Variants in KHDRBS2 observed in about 807,000 individuals in gnomAD.
KHDRBS2 encodes the protein KH RNA binding domain containing, signal transduction associated 2, also known as KH domain-containing, RNA-binding, signal transduction-associated protein 2.
Under a neutral mutation model 44.3 loss-of-function variants are expected in KHDRBS2, and 26 were observed. The observed-to-expected ratio is 0.59, with a 90% CI of 0.43 to 0.81. The LOEUF (loss-of-function observed/expected upper bound fraction) is 0.81. Among genes scored for constraint, KHDRBS2 ranks in the 40% least tolerant of loss-of-function variants. KHDRBS2 has a pLI of 0.00. For missense variants in KHDRBS2, 476 were observed against 433.1 expected, an observed-to-expected ratio of 1.10 and a Z score of -0.88; for synonymous variants, 194 against 151.1, an observed-to-expected ratio of 1.28 and a Z score of -2.08.
At chr6:61,796,855 A>G (rs961751212) in intron 6 of KHDRBS2, among the ~76,000 whole-genome samples, 37 of 152,144 alleles carry the variant, frequency 2.4e-4, no homozygotes, top group African/African-American at 8.9e-4. Context: ...TTGAAAATAT[A>G]TCATGTAGTA....
chr6:62,170,719 G>A (rs1819815648), intron 2 of KHDRBS2, among the ~76,000 whole-genome samples: 1 of 152,018 alleles, frequency 6.6e-6, no homozygotes, highest in Non-Finnish European at 1.5e-5. Context: ...TCAAACAGTT[G>A]TGGCCACAAA....
intron 4 of KHDRBS2, among the ~76,000 whole-genome samples, chr6:61,964,490 A>G (rs1219177156): frequency 6.6e-6 from 1 of 152,074 alleles, no homozygotes; most frequent in Non-Finnish European, 1.5e-5. Flanking sequence ...ATGTCTCCCC[A>G]GCATATTAGA....
intron 8 of KHDRBS2, among the ~76,000 whole-genome samples, chr6:61,687,634 T>C (rs1212951446): frequency 5.3e-5 from 8 of 151,848 alleles, no homozygotes; most frequent in Non-Finnish European, 7.4e-5. Flanking sequence ...TTTTTTAACT[T>C]TTCTGTATTT....
chr6:62,093,224 T>TAA (rs201255751), intron 2 of KHDRBS2, among the ~76,000 whole-genome samples: 34 of 134,522 alleles, frequency 2.5e-4, no homozygotes, highest in African/African-American at 8.4e-4. Flanking sequence ...TTAGATAAAG[T>TAA]AAAAAAAAAA....
At chr6:62,200,375 A>C (rs1037177418) in intron 1 of KHDRBS2, among the ~76,000 whole-genome samples, 2 of 152,208 alleles carry the variant, frequency 1.3e-5, no homozygotes, top group African/African-American at 4.8e-5. Flanking sequence ...CAATGAACTC[A>C]AACAAATTTA....
chr6:61,749,098 C>T (rs1291888031), intron 6 of KHDRBS2, among the ~76,000 whole-genome samples: 38 of 148,932 alleles, frequency 2.6e-4, no homozygotes, highest in African/African-American at 6.0e-4. Context: ...CTGCAAACTC[C>T]GCCTCCCAGG....
intron 1 of KHDRBS2, among the ~76,000 whole-genome samples, chr6:62,246,119 T>C (rs1456934067): frequency 2.1e-5 from 3 of 145,738 alleles, no homozygotes; most frequent in Non-Finnish European, 4.5e-5. Context: ...TATATATATA[T>C]ATATATATAT....
chr6:62,112,310 C>T (rs1374053383), intron 2 of KHDRBS2, among the ~76,000 whole-genome samples: 1 of 152,038 alleles, frequency 6.6e-6, no homozygotes, highest in Non-Finnish European at 1.5e-5. Context: ...ATTATTTCCC[C>T]AGTTAATGGA....
intron 3 of KHDRBS2, among the ~76,000 whole-genome samples, chr6:61,994,198 T>A (rs1454122927): frequency 6.6e-6 from 1 of 152,166 alleles, no homozygotes; most frequent in Non-Finnish European, 1.5e-5. Context: ...AAAGCCTTAA[T>A]TCTCAGGGAG....
At chr6:61,622,277 C>G in the KHDRBS2 span, among the ~76,000 whole-genome samples, 1 of 152,198 alleles carries the variant, frequency 6.6e-6, no homozygotes, top group South Asian at 2.1e-4. Flanking sequence ...GAAGTTCTCT[C>G]CTCTGTAAGG....
intron 6 of KHDRBS2, among the ~76,000 whole-genome samples, chr6:61,774,331 G>A (rs1332172675): frequency 2.0e-5 from 3 of 151,126 alleles, no homozygotes; most frequent in African/African-American, 4.9e-5. Context: ...GAGCAGTGTA[G>A]TTCTCCTTGA....
chr6:62,203,019 T>C lies in KHDRBS2; in HGVS notation c.92-25707A>G, dbSNP rs377447648. On this transcript the variant is annotated intron_variant, in intron 1 of 8. Transcript: ENST00000281156. ...AGGACATGAATGTTTGCTGTCTTTG[T>C]TTACTGCTATAACCCCAGCTCTTGG... is the stretch of plus-strand genomic sequence containing the variant. Among the ~76,000 whole-genome samples the C allele has an allele frequency of 2.0e-5, 3 of 152,256 alleles. No homozygotes were observed. In the East Asian group the frequency reaches 5.8e-4, roughly 29 times the overall value.
intron 4 of KHDRBS2, among the ~76,000 whole-genome samples, chr6:61,908,633 CAA>C (rs11290284): frequency 0.012 from 1,343 of 110,584 alleles, 6 homozygotes; most frequent in African/African-American, 0.031. Context: ...GATTCCGTCT[CAA>C]AAAAAAAAAA....
chr6:61,884,151 G>A (rs1352427351), intron 6 of KHDRBS2, among the ~76,000 whole-genome samples: 1 of 152,056 alleles, frequency 6.6e-6, no homozygotes, highest in South Asian at 2.1e-4. Flanking sequence ...AAGGACTATT[G>A]ATTTACCAGT....
chr6:62,024,698 G>C (rs1782975618), intron 3 of KHDRBS2, among the ~76,000 whole-genome samples: 1 of 150,998 alleles, frequency 6.6e-6, no homozygotes, highest in African/African-American at 2.4e-5. Context: ...GTCTTGAATT[G>C]TTTGTCAAGG....
At chr6:61,922,044 T>G (rs1808167933) in intron 4 of KHDRBS2, among the ~76,000 whole-genome samples, 1 of 152,098 alleles carries the variant, frequency 6.6e-6, no homozygotes. Flanking sequence ...GTAAATATCA[T>G]TTTATATGTA....
At position 62,257,206 on chromosome 6, in the gene KHDRBS2, C is replaced by A. The variant is rs138523046; in HGVS notation, c.91+28652G>T. On this transcript the variant is annotated intron_variant, in intron 1 of 8. Coordinates refer to ENST00000281156, the MANE Select transcript of KHDRBS2 (RefSeq NM_152688.4). Reference sequence around the variant, plus strand: ...ATCTTAATCACTGAAGTGCAGCATTCTTCTAGACATATAGTTTGCAATAAA... The same window carrying A: ...ATCTTAATCACTGAAGTGCAGCATTATTCTAGACATATAGTTTGCAATAAA... 6.0e-3 allele frequency among the ~76,000 whole-genome samples: 912 copies of A among 152,140 alleles called. 10 individuals are homozygous for A. Among genetic ancestry groups the A allele is most frequent in the African/African-American group, 0.021 (853 of 41,550 alleles).
chr6:61,947,332 G>T (rs1414454127), intron 4 of KHDRBS2, among the ~76,000 whole-genome samples: 4 of 152,118 alleles, frequency 2.6e-5, no homozygotes, highest in African/African-American at 9.7e-5. Flanking sequence ...CACTGTTAAA[G>T]ATGCTGCCCA....
In KHDRBS2 at chr6:62,222,390, C is replaced by A. The variant is rs28556972; in HGVS notation, c.92-45078G>T. 5.9e-5 allele frequency among the ~76,000 whole-genome samples: 9 copies of A among 152,090 alleles called. No individual in the cohort carries two copies. The East Asian group carries it at 1.7e-3, about 29-fold the overall frequency. The stretch of plus-strand genomic sequence containing the variant: ...GGCTGGAGAGGCCTCAAAATCATGG[C>A]GGGAGGTGAAAAGCACTTCTTACAT... On this transcript the variant is annotated intron_variant, in intron 1 of 8. Transcript: ENST00000281156.
Sources: gnomAD v4.1 joint callset for allele counts (sites outside exome capture counted in the v4.1 genomes callset) on GRCh38, gnomAD v4.1.1 for gene constraint, MANE v1.5 for transcripts, NCBI Gene and HGNC (gene_info 2026-07-23, HGNC 2026-07-21) for gene names.